Variants in FBRSL1 observed in about 807,000 individuals in gnomAD.
FBRSL1 encodes the protein fibrosin-1-like protein.
In FBRSL1, 51 loss-of-function variants were observed where a neutral mutation model predicts 89.6. The observed-to-expected ratio is 0.57, with a 90% CI of 0.45 to 0.72. The LOEUF is 0.72. Ranked by LOEUF, FBRSL1 falls within the 30% of genes least tolerant of loss-of-function variation. The probability of loss-of-function intolerance (pLI) is 0.00; values close to 1 mark genes in which losing one functional copy is unlikely to be tolerated. For missense variants in FBRSL1, 1,618 were observed against 1,451.8 expected (o/e 1.11, Z -1.86); for synonymous variants, 779 against 681.1 (o/e 1.14, Z -2.24).
chr12:132,520,235 A>G (rs888895848), intron 2 of FBRSL1, among the ~76,000 whole-genome samples: 1 of 145,288 alleles, frequency 6.9e-6, no homozygotes, highest in Non-Finnish European at 1.5e-5. Context: ...TGCACCCTCC[A>G]GCAACCCTCC....
At chr12:132,551,515 A>C (rs2038162451) in intron 5 of FBRSL1, 1 of 456,180 alleles carries the variant, frequency 2.2e-6, no homozygotes, top group African/African-American at 2.0e-5. Flanking sequence ...CGCATGTCTC[A>C]GGCCAGTGCA....
intron 5 of FBRSL1, among the ~76,000 whole-genome samples, chr12:132,556,673 T>G (rs1030877845): frequency 1.0e-4 from 12 of 118,316 alleles, no homozygotes; most frequent in African/African-American, 3.6e-4. Context: ...CCCTGTCCTG[T>G]GGGACGCTCC....
Position 132,499,888 on chromosome 12 carries a change from G to A in FBRSL1, c.292-8265G>A, listed in dbSNP as rs2032687057. Among the ~76,000 whole-genome samples, 1 of 152,180 alleles carries A rather than the reference G, an allele frequency of 6.6e-6. No individual in the cohort carries two copies. The highest frequency in any genetic ancestry group is 2.1e-4 in the South Asian group (1 of 4,832). ...GCCCCAGCTCCGTTGGCGCAGCAGA[G>A]CTGTGCTGATCTGGTTTGTGAGCTG... On this transcript the variant is annotated intron_variant, in intron 1 of 18. Coordinates refer to ENST00000680143, the MANE Select transcript of FBRSL1 (RefSeq NM_001367871.1). This position sits in a 1 kb window ranked among gnomAD's most constrained non-coding sequence, Gnocchi z 4.3.
chr12:132,498,113 G>T (rs1029042992), intron 1 of FBRSL1, among the ~76,000 whole-genome samples: 1 of 152,164 alleles, frequency 6.6e-6, no homozygotes, highest in Admixed American at 6.5e-5. Flanking sequence ...GGTGCCTGCT[G>T]TTTCTTTGGG....
rs539814458 is a variant in FBRSL1, at chr12:132,534,437, A to G, written c.615+6449A>G. On this transcript the variant is annotated intron_variant, in intron 4 of 18. Transcript: ENST00000680143. ...CAGATGCGGAAGCCGAGGCCCAGGCATCAGCTGCACCTGTCGCACCCTCTG... is the reference window on the plus strand; with the variant it reads ...CAGATGCGGAAGCCGAGGCCCAGGCGTCAGCTGCACCTGTCGCACCCTCTG... 2.8e-3 allele frequency among the ~76,000 whole-genome samples: 431 copies of G among 152,366 alleles called. 3 individuals are homozygous for G. The highest frequency in any genetic ancestry group is 5.0e-3 in the Non-Finnish European group (342 of 68,030).
At chr12:132,528,622 G>A (rs1280569523) in intron 4 of FBRSL1, among the ~76,000 whole-genome samples, 2 of 151,710 alleles carry the variant, frequency 1.3e-5, no homozygotes, top group Non-Finnish European at 2.9e-5. Context: ...GAGCGGGTGT[G>A]TGTCCGGGGG....
chr12:132,571,665 G>A (rs546497304), intron 9 of FBRSL1: 17 of 545,758 alleles, frequency 3.1e-5, no homozygotes, highest in African/African-American at 1.4e-4. Context: ...TCGTCTGTCC[G>A]GTCCCCAACG....
At chr12:132,520,999 T>TTGCCC (rs775237982) in intron 2 of FBRSL1, among the ~76,000 whole-genome samples, 198 of 152,208 alleles carry the variant, frequency 1.3e-3, no homozygotes, top group African/African-American at 4.6e-3. Context: ...CACTCCCTCT[T>TTGCCC]TGCCCTGCCC....
intron 5 of FBRSL1, among the ~76,000 whole-genome samples, chr12:132,567,238 C>T (rs1270535765): frequency 6.6e-6 from 1 of 152,202 alleles, no homozygotes; most frequent in Non-Finnish European, 1.5e-5. Context: ...ACTCAGACCC[C>T]CTCTAGGAAG....
chr12:132,539,334 T>A (rs1226952110), intron 4 of FBRSL1, among the ~76,000 whole-genome samples: 1 of 148,874 alleles, frequency 6.7e-6, no homozygotes, highest in Non-Finnish European at 1.5e-5. Flanking sequence ...CACCCAGTCC[T>A]GCCCTCCAGC....
At chr12:132,561,436 G>C (rs1454292772) in intron 5 of FBRSL1, among the ~76,000 whole-genome samples, 2 of 122,398 alleles carry the variant, frequency 1.6e-5, no homozygotes, top group Non-Finnish European at 3.2e-5. Flanking sequence ...GTGAAGGGGA[G>C]GGCAGCAGAG....
chr12:132,522,488 T>C (rs2136872242), intron 2 of FBRSL1, among the ~76,000 whole-genome samples: 1 of 152,318 alleles, frequency 6.6e-6, no homozygotes, highest in South Asian at 2.1e-4. Flanking sequence ...GCGGCTGGTC[T>C]GCGGCTGCCC....
At position 132,585,118 on chromosome 12, in the gene FBRSL1, C is replaced by T. The variant is rs904131866; in HGVS notation, c.*1340C>T. ...GTTTCAGCCACATTTCCACGGTGGA[C>T]CCTGTTTGTTTTAAATATTCTGTTC... On this transcript the variant is annotated 3_prime_UTR_variant, in exon 19 of 19. Coordinates refer to ENST00000680143, the MANE Select transcript of FBRSL1 (RefSeq NM_001367871.1). 2.0e-5 allele frequency: 3 copies of T among 150,602 alleles called. No homozygotes were observed. The highest frequency in any genetic ancestry group is 7.5e-5 in the African/African-American group (3 of 39,914). The allele number at this position is 150,602 out of a possible 1,614,324, so 9.3% of individuals were successfully genotyped here.
chr12:132,512,253 G>A (rs573086686), intron 2 of FBRSL1, among the ~76,000 whole-genome samples: 23 of 152,388 alleles, frequency 1.5e-4, no homozygotes, highest in South Asian at 1.2e-3. Context: ...ACCCATCCCC[G>A]GGATCAGTGT....
In FBRSL1 at chr12:132,583,021, C is replaced by A; in HGVS notation, c.2252C>A (p.Pro751His). ...RLLSRASPAT[P>H]AGHPVSGLLL... Reference sequence around the variant, plus strand: ...CTGAGCCGGGCCTCGCCCGCCACCCCCGCTGGCCACCCCGTCAGCGGCCTC... The same window carrying A: ...CTGAGCCGGGCCTCGCCCGCCACCCACGCTGGCCACCCCGTCAGCGGCCTC... Residue 751 changes from proline (P) to histidine (H), a missense_variant, in exon 19 of 19, where the codon CCC (proline) becomes CAC (histidine). Coordinates refer to ENST00000680143, the MANE Select transcript of FBRSL1 (RefSeq NM_001367871.1). 1.4e-6 allele frequency: 2 copies of A among 1,457,810 alleles called. No individual in the cohort carries two copies. The highest frequency in any genetic ancestry group is 2.6e-5 in the Admixed American group (1 of 39,016). The allele number at this position is 1,457,810 out of a possible 1,614,324, so 90.3% of individuals were successfully genotyped here.
Position 132,567,531 on chromosome 12 carries a change from G to T in FBRSL1, c.691+5G>T. 6.4e-7 allele frequency: 1 copy of T among 1,550,980 alleles called. No homozygotes were observed. The highest frequency in any genetic ancestry group is 8.7e-7 in the Non-Finnish European group (1 of 1,146,878). On this transcript the variant is annotated splice_donor_5th_base_variant and intron_variant, in intron 6 of 18. Coordinates refer to ENST00000680143, the MANE Select transcript of FBRSL1 (RefSeq NM_001367871.1). ...TTGCGCCGGGAACCGATAAAGGTAA[G>T]TGGGTCCCCTCGGCCCAGCTCCTGG...
Position 132,570,310 on chromosome 12 carries a change from A to C in FBRSL1, c.1008-25A>C, listed in dbSNP as rs1593548508. 3.3e-6 allele frequency: 5 copies of C among 1,523,092 alleles called. No individual in the cohort carries two copies. In the South Asian group the frequency reaches 6.1e-5, roughly 18 times the overall value. 94.3% of individuals were successfully genotyped at this position (1,523,092 alleles called of 1,614,324 possible). A position where few individuals can be genotyped will look rare whatever the true frequency, so the allele number is the denominator to read the frequency against. ...GGGGCTCTGCAGGGGTCGGGCTGGC[A>C]GGCACTGAGCCCCGTGTCCCGCAGC... On this transcript the variant is annotated intron_variant, in intron 7 of 18. Coordinates refer to ENST00000680143, the MANE Select transcript of FBRSL1 (RefSeq NM_001367871.1).
At chr12:132,579,168 G>A (rs2040582227) in intron 15 of FBRSL1, among the ~76,000 whole-genome samples, 1 of 152,202 alleles carries the variant, frequency 6.6e-6, no homozygotes, top group African/African-American at 2.4e-5. Flanking sequence ...CTCCTTGGCA[G>A]GTCTTGATAT....
chr12:132,531,402 CGTGCATGT>C (rs1407250284), intron 4 of FBRSL1, among the ~76,000 whole-genome samples: 1 of 151,700 alleles, frequency 6.6e-6, no homozygotes, highest in African/African-American at 2.4e-5. Context: ...TGTGTGTGTG[CGTGCATGT>C]GTGCATGTGC....
Sources: gnomAD v4.1 joint callset for allele counts (sites outside exome capture counted in the v4.1 genomes callset) on GRCh38, gnomAD v4.1.1 for gene constraint, Gnocchi (gnomAD v3.1) non-coding constraint, MANE v1.5 for transcripts, NCBI Gene and HGNC (gene_info 2026-07-23, HGNC 2026-07-21) for gene names.